ABCE1: variants seen among roughly 807,000 people sequenced by gnomAD.
ABCE1 encodes the protein ATP-binding cassette sub-family E member 1.
A neutral mutation model predicts 83.4 loss-of-function variants in ABCE1; 22 were observed. That is an observed-to-expected ratio of 0.26 (90% CI 0.19 to 0.38). The LOEUF (loss-of-function observed/expected upper bound fraction) is 0.38, where lower values mean the gene tolerates loss of function less well. ABCE1 is among the 10% of genes least tolerant of loss of function. The probability of loss-of-function intolerance (pLI) is 1.00; values close to 1 mark genes in which losing one functional copy is unlikely to be tolerated. For synonymous variants in ABCE1, 204 were observed against 233.7 expected, an observed-to-expected ratio of 0.87 and a Z score of 1.16; for missense variants, 330 against 721.9, an observed-to-expected ratio of 0.46 and a Z score of 6.22.
rs778637826 is a variant in ABCE1, at chr4:145,108,092, C to T, written c.267C>T (p.Ala89=). ...LEKETTHRYC[A]NAFKLHRLPI... is the part of the protein sequence containing the mutation. ...AAGAAACCACACATCGATATTGTGC[C>T]AATGCCTTCAAACTTCACAGGTATA... The change falls in exon 4 of 18, where the codon GCC becomes GCT. Residue 89 remains alanine (A), a synonymous_variant. Coordinates refer to ENST00000296577, the MANE Select transcript of ABCE1 (RefSeq NM_002940.3). 1.2e-6 allele frequency: 2 copies of T among 1,613,358 alleles called. No homozygotes were observed. Among genetic ancestry groups the T allele is most frequent in the Non-Finnish European group, 1.7e-6 (2 of 1,179,538 alleles).
At chr4:145,106,553 A>T (rs1251198887) in intron 3 of ABCE1, among the ~76,000 whole-genome samples, 2 of 152,048 alleles carry the variant, frequency 1.3e-5, no homozygotes, top group African/African-American at 4.8e-5. Context: ...GCTGTAAGAA[A>T]ATTATATTAA....
chr4:145,098,974 G>C (rs1749007704), intron 1 of ABCE1, among the ~76,000 whole-genome samples: 1 of 152,224 alleles, frequency 6.6e-6, no homozygotes, highest in African/African-American at 2.4e-5. Flanking sequence ...GCTTTTCTCA[G>C]AACAGCGTGT....
In ABCE1 at chr4:145,104,492, A is replaced by G. The variant is rs936610315; in HGVS notation, c.80A>G (p.Lys27Arg). The G allele has an allele frequency of 1.2e-6, 2 of 1,600,334 alleles. No homozygotes were observed. The highest frequency in any genetic ancestry group is 2.3e-5 in the East Asian group (1 of 43,834). The part of the protein sequence containing the change: ...KPKKCRQECK[K>R]SCPVVRMGKL... ...AAGAAATGTCGACAGGAATGCAAAA[A>G]GAGTTGTCCTGTAGTTCGAATGGGT... The change falls in exon 2 of 18, where the codon AAG (lysine) becomes AGG (arginine). Residue 27 changes from lysine (K) to arginine (R), a missense_variant. Transcript: ENST00000296577.
chr4:145,118,253 CTTTT>C (rs4148244), intron 10 of ABCE1, among the ~76,000 whole-genome samples: 1 of 134,530 alleles, frequency 7.4e-6, no homozygotes, highest in African/African-American at 2.7e-5. Context: ...TTCTTTCTTT[CTTTT>C]TTTTTTTTTT....
rs201368309 is a variant in ABCE1, at chr4:145,123,345, G to A, written c.1505G>A (p.Arg502Gln). 1 of 1,605,358 alleles carries A rather than the reference G, an allele frequency of 6.2e-7. No individual in the cohort carries two copies. Among genetic ancestry groups the A allele is most frequent in the Non-Finnish European group, 8.5e-7 (1 of 1,175,688 alleles). ...TCTGAGCAAAGACTGATGGCAGCTC[G>A]AGTTGTCAAACGGTAAATATCTTGC... ...LDSEQRLMAA[R>Q]VVKRFILHAK... Residue 502 changes from arginine (R) to glutamine (Q), a missense_variant, in exon 15 of 18, where the codon CGA (arginine) becomes CAA (glutamine). By Grantham distance (43) the Arg-to-Gln change is conservative. Transcript: ENST00000296577.
chr4:145,121,194 A>G lies in ABCE1; in HGVS notation c.1165A>G (p.Ile389Val). 6.2e-7 allele frequency: 1 copy of G among 1,613,692 alleles called. No individual in the cohort carries two copies. Among genetic ancestry groups the G allele is most frequent in the Non-Finnish European group, 8.5e-7 (1 of 1,179,894 alleles). Reference sequence around the variant, plus strand: ...GCCAGGAACGGGTAAAACGACATTTATCAGAATGCTTGCTGGAAGACTTAA... The same window carrying G: ...GCCAGGAACGGGTAAAACGACATTTGTCAGAATGCTTGCTGGAAGACTTAA... ...GENGTGKTTF[I>V]RMLAGRLKPD... is the part of the protein sequence containing the mutation. Residue 389 changes from isoleucine (I) to valine (V), a missense_variant, in exon 12 of 18, where the codon ATC becomes GTC. Physicochemically the swap from Ile to Val is conservative, Grantham distance 29. Transcript: ENST00000296577.
chr4:145,127,041 CTTAAGA>C (rs1008361237), intron 17 of ABCE1, among the ~76,000 whole-genome samples: 4 of 152,076 alleles, frequency 2.6e-5, no homozygotes, highest in African/African-American at 9.7e-5. Context: ...GCCTACTCAT[CTTAAGA>C]TTGTCATACC....
Position 145,105,588 on chromosome 4 carries a change from A to T in ABCE1, c.104-17A>T, listed in dbSNP as rs781041179. 6.5e-7 allele frequency: 1 copy of T among 1,541,954 alleles called. No individual in the cohort carries two copies. The highest frequency in any genetic ancestry group is 8.9e-7 in the Non-Finnish European group (1 of 1,122,072). ...AGATCAAAGGAAATGGCTTAATTAT[A>T]TCTTTTCCTTTACCAGGAAAATTAT... On this transcript the variant is annotated splice_polypyrimidine_tract_variant and intron_variant, in intron 2 of 17. Transcript: ENST00000296577.
chr4:145,108,308 A>G (rs1342303772), intron 4 of ABCE1, among the ~76,000 whole-genome samples, 196 bp downstream of exon 4: 3 of 152,154 alleles, frequency 2.0e-5, no homozygotes, highest in Admixed American at 6.5e-5. Flanking sequence ...TACCTATGGG[A>G]CTTTTTAAAG....
In ABCE1 at chr4:145,127,636, A is replaced by T. The variant is rs375387570; in HGVS notation, c.*63A>T. 2.2e-6 allele frequency: 3 copies of T among 1,337,576 alleles called. No individual in the cohort carries two copies. In the African/African-American group the frequency reaches 4.6e-5, roughly 20 times the overall value. The allele number at this position is 1,337,576 out of a possible 1,614,324, so 82.9% of individuals were successfully genotyped here. On this transcript the variant is annotated 3_prime_UTR_variant, in exon 18 of 18. Coordinates refer to ENST00000296577, the MANE Select transcript of ABCE1 (RefSeq NM_002940.3). Reference sequence around the variant, plus strand: ...GGAGTATTTACTAGAATTTTTTGTCATATAAAACTTGAATCAGGATTTTAT... The same window carrying T: ...GGAGTATTTACTAGAATTTTTTGTCTTATAAAACTTGAATCAGGATTTTAT...
At position 145,129,167 on chromosome 4, in the gene ABCE1, T is replaced by A. The variant is rs1297651878; in HGVS notation, c.*1594T>A. 3 of 152,202 alleles carry A rather than the reference T, an allele frequency of 2.0e-5. No homozygotes were observed. The highest frequency in any genetic ancestry group is 7.2e-5 in the African/African-American group (3 of 41,462). The allele number at this position is 152,202 out of a possible 1,614,324, so 9.4% of individuals were successfully genotyped here. On this transcript the variant is annotated 3_prime_UTR_variant, in exon 18 of 18. Coordinates refer to ENST00000296577, the MANE Select transcript of ABCE1 (RefSeq NM_002940.3). Reference sequence around the variant, plus strand: ...ATAAAATAAGCAAAAGCTATTGTTATTTACTGATCCTGGATTGTCTTAAAG... The same window carrying A: ...ATAAAATAAGCAAAAGCTATTGTTAATTACTGATCCTGGATTGTCTTAAAG...
chr4:145,125,151 C>T lies in ABCE1; in HGVS notation c.1752+50C>T, dbSNP rs140609829. ...CATGGATTACTGATCTCAGTATAAA[C>T]ACTTGAAAGGCTATTTAAAAATCAA... On this transcript the variant is annotated intron_variant, in intron 17 of 17. Coordinates refer to ENST00000296577, the MANE Select transcript of ABCE1 (RefSeq NM_002940.3). The T allele has an allele frequency of 7.0e-5, 90 of 1,283,188 alleles. 1 individual carries two copies. In the East Asian group the frequency reaches 1.5e-3, roughly 22 times the overall value. The allele number at this position is 1,283,188 out of a possible 1,614,324, so 79.5% of individuals were successfully genotyped here. A position where few individuals can be genotyped will look rare whatever the true frequency, so the allele number is the denominator to read the frequency against.
chr4:145,110,390 A>G lies in ABCE1; in HGVS notation c.559A>G (p.Ile187Val). The G allele has an allele frequency of 6.2e-7, 1 of 1,612,444 alleles. No homozygotes were observed. Among genetic ancestry groups the G allele is most frequent in the Non-Finnish European group, 8.5e-7 (1 of 1,179,960 alleles). ...ATTGTGGCAGGGGACAGTGGGATCT[A>G]TTTTGGACCGAAAAGATGAAACAAA... is the stretch of plus-strand genomic sequence containing the variant. ...PKAAKGTVGS[I>V]LDRKDETKTQ... The change falls in exon 7 of 18, where the codon ATT becomes GTT. Residue 187 changes from isoleucine (I) to valine (V), a missense_variant. Transcript: ENST00000296577.
rs184856807 is a variant in ABCE1, at chr4:145,129,349, A to T, written c.*1776A>T. 7.6e-4 allele frequency among the ~76,000 whole-genome samples: 115 copies of T among 152,302 alleles called. No individual in the cohort carries two copies. Among genetic ancestry groups the T allele is most frequent in the Middle Eastern group, 6.8e-3 (2 of 292 alleles). ...AATTGCTAACACAAGAAAAATACTT[A>T]TAAAATCAGTATAAAATCAATGCAG... On this transcript the variant is annotated 3_prime_UTR_variant, in exon 18 of 18. Coordinates refer to ENST00000296577, the MANE Select transcript of ABCE1 (RefSeq NM_002940.3).
intron 11 of ABCE1, among the ~76,000 whole-genome samples, chr4:145,120,856 C>A (rs1749721401): frequency 6.6e-6 from 1 of 152,092 alleles, no homozygotes; most frequent in South Asian, 2.1e-4. Flanking sequence ...TCTATACTGT[C>A]TTAATAAATT....
At position 145,124,235 on chromosome 4, in the gene ABCE1, C is replaced by T. The variant is rs148400187; in HGVS notation, c.1640+635C>T. 6.8e-3 allele frequency among the ~76,000 whole-genome samples: 1,031 copies of T among 152,208 alleles called. 7 individuals are homozygous for T. Among genetic ancestry groups the T allele is most frequent in the Non-Finnish European group, 0.012 (806 of 67,998 alleles). On this transcript the variant is annotated intron_variant, in intron 16 of 17. Coordinates refer to ENST00000296577, the MANE Select transcript of ABCE1 (RefSeq NM_002940.3). ...GGTGTTCAGTTTTCACCTATAAAACCAGCAGTTTCATGTGGTTTCAGCATG... is the reference window on the plus strand; with the variant it reads ...GGTGTTCAGTTTTCACCTATAAAACTAGCAGTTTCATGTGGTTTCAGCATG...
At chr4:145,123,734 G>GGGGACTGGAT in intron 16 of ABCE1, 134 bp downstream of exon 16, 3 of 872,996 alleles carry the variant, frequency 3.4e-6, no homozygotes, top group Non-Finnish European at 5.2e-6. Context: ...TGAGATCATT[G>GGGGACTGGAT]GTATTGGGGA....
chr4:145,117,650 G>A (rs943766073), intron 10 of ABCE1, among the ~76,000 whole-genome samples: 1 of 151,634 alleles, frequency 6.6e-6, no homozygotes, highest in Non-Finnish European at 1.5e-5. Flanking sequence ...TGTTACTTTT[G>A]TTGGGGGTTG....
Position 145,123,067 on chromosome 4 carries a change from C to T in ABCE1, c.1310C>T (p.Thr437Ile). 1 of 1,606,230 alleles carries T rather than the reference C, an allele frequency of 6.2e-7. No homozygotes were observed. The highest frequency in any genetic ancestry group is 8.5e-7 in the Non-Finnish European group (1 of 1,177,690). Residue 437 changes from threonine (T) to isoleucine (I), a missense_variant, in exon 14 of 18, where the codon ACT becomes ATT. Coordinates refer to ENST00000296577, the MANE Select transcript of ABCE1 (RefSeq NM_002940.3). ...CATGAAAAGATAAGAGATGCTTATA[C>T]TCACCCACAATTTGTGACCGATGTA... Reference protein sequence around the residue: ...LLHEKIRDAYTHPQFVTDVMK... With the variant: ...LLHEKIRDAYIHPQFVTDVMK...
Sources: gnomAD v4.1 joint callset for allele counts (sites outside exome capture counted in the v4.1 genomes callset) on GRCh38, gnomAD v4.1.1 for gene constraint, MANE v1.5 for transcripts, NCBI Gene and HGNC (gene_info 2026-07-23, HGNC 2026-07-21) for gene names.